Variants in PDXP observed in about 807,000 individuals in gnomAD.
The protein encoded by PDXP is chronophin.
A neutral mutation model predicts 14.4 loss-of-function variants in PDXP; 15 were observed. The observed-to-expected ratio is 1.04, with a 90% CI of 0.70 to 1.60. The LOEUF (loss-of-function observed/expected upper bound fraction) is 1.60. Among genes scored for constraint, PDXP ranks in the 40% most tolerant of loss-of-function variants. The probability of loss-of-function intolerance (pLI) is 0.00; values close to 1 mark genes in which losing one functional copy is unlikely to be tolerated. For missense variants in PDXP, 413 were observed against 427.6 expected (o/e 0.97, Z 0.30); for synonymous variants, 233 against 205.6 (o/e 1.13, Z -1.14).
intron 1 of PDXP, among the ~76,000 whole-genome samples, chr22:37,660,832 G>A (rs1037829859): frequency 6.6e-6 from 1 of 152,194 alleles, no homozygotes; most frequent in Non-Finnish European, 1.5e-5. Flanking sequence ...GAGGCATGAT[G>A]CAGGGCAGTG....
Position 37,659,274 on chromosome 22 carries a change from G to C in PDXP, c.492G>C (p.Ala164=), listed in dbSNP as rs1314531409. ...FSFAKLREAC[A]HLRDPECLLV... The stretch of plus-strand genomic sequence containing the variant: ...TCGCCAAGCTGAGGGAGGCGTGCGC[G>C]CACCTGCGCGACCCCGAGTGCCTAC... Residue 164 remains alanine, a synonymous_variant, in exon 1 of 2, where the codon GCG becomes GCC. Transcript: ENST00000215904. 3 of 1,318,654 alleles carry C rather than the reference G, an allele frequency of 2.3e-6. No homozygotes were observed. The highest frequency in any genetic ancestry group is 2.9e-6 in the Non-Finnish European group (3 of 1,029,728). The allele number at this position is 1,318,654 out of a possible 1,614,324, so 81.7% of individuals were successfully genotyped here.
In PDXP at chr22:37,659,032, C is replaced by T. The variant is rs1461615070; in HGVS notation, c.250C>T (p.Gln84Ter). The change falls in exon 1 of 2, where the codon CAG becomes TAG. Residue 84 changes from glutamine (Q) to a stop codon, truncating the protein, a stop_gained. Coordinates refer to ENST00000215904, the MANE Select transcript of PDXP (RefSeq NM_020315.5). LOFTEE classifies it high-confidence loss of function. ...RLGFGGLRAE[Q>*]LFSSALCAAR... is the part of the protein sequence containing the mutation. ...CGGCTTCGGGGGGCTGCGCGCCGAG[C>T]AGCTCTTCAGCTCCGCGCTGTGCGC... The T allele has an allele frequency of 4.3e-6, 5 of 1,163,268 alleles. No individual in the cohort carries two copies. Among genetic ancestry groups the T allele is most frequent in the Non-Finnish European group, 5.3e-6 (5 of 942,080 alleles). 72.1% of individuals were successfully genotyped at this position (1,163,268 alleles called of 1,614,324 possible). A position where few individuals can be genotyped will look rare whatever the true frequency, so the allele number is the denominator to read the frequency against.
rs1421711005 is a variant in PDXP, at chr22:37,658,760, G to A, written c.-23G>A. 7 of 1,154,516 alleles carry A rather than the reference G, an allele frequency of 6.1e-6. No homozygotes were observed. Among genetic ancestry groups the A allele is most frequent in the East Asian group, 4.1e-5 (1 of 24,146 alleles). 71.5% of individuals were successfully genotyped at this position (1,154,516 alleles called of 1,614,324 possible). On this transcript the variant is annotated 5_prime_UTR_variant, in exon 1 of 2. Transcript: ENST00000215904. Reference sequence around the variant, plus strand: ...TGCCCGCGGAGAGAGCGCGGCGCGGGAGGCCGGCGGCCGGCCGGCTGCATG... The same window carrying A: ...TGCCCGCGGAGAGAGCGCGGCGCGGAAGGCCGGCGGCCGGCCGGCTGCATG...
intron 1 of PDXP, among the ~76,000 whole-genome samples, chr22:37,660,836 G>T (rs1334580981): frequency 6.6e-6 from 1 of 152,152 alleles, no homozygotes; most frequent in Admixed American, 6.5e-5. Context: ...CATGATGCAG[G>T]GCAGTGATAA....
chr22:37,661,998 G>C (rs1933217626), intron 1 of PDXP, among the ~76,000 whole-genome samples: 1 of 125,990 alleles, frequency 7.9e-6, no homozygotes, highest in African/African-American at 3.1e-5. Flanking sequence ...CTGGAGTGCA[G>C]TGGCCTGATG....
At position 37,659,307 on chromosome 22, in the gene PDXP, C is replaced by T; in HGVS notation, c.525C>T (p.Ala175=). 1 of 1,307,008 alleles carries T rather than the reference C, an allele frequency of 7.7e-7. No individual in the cohort carries two copies. Among genetic ancestry groups the T allele is most frequent in the Non-Finnish European group, 9.8e-7 (1 of 1,025,324 alleles). 81.0% of individuals were successfully genotyped at this position (1,307,008 alleles called of 1,614,324 possible). A position where few individuals can be genotyped will look rare whatever the true frequency, so the allele number is the denominator to read the frequency against. The change falls in exon 1 of 2, where the codon GCC becomes GCT. Residue 175 remains alanine, a synonymous_variant. Coordinates refer to ENST00000215904, the MANE Select transcript of PDXP (RefSeq NM_020315.5). The stretch of plus-strand genomic sequence containing the variant: ...GCGACCCCGAGTGCCTACTCGTGGC[C>T]ACCGACCGTGACCCATGGCACCCGC... ...HLRDPECLLV[A]TDRDPWHPLS...
intron 1 of PDXP, among the ~76,000 whole-genome samples, chr22:37,660,167 C>T (rs1933174452): frequency 6.6e-6 from 1 of 152,176 alleles, no homozygotes; most frequent in Non-Finnish European, 1.5e-5. Flanking sequence ...TGTACTTCAG[C>T]ATGGGCAACA....
At chr22:37,664,737 T>A (rs527813247) in intron 1 of PDXP, among the ~76,000 whole-genome samples, 1 of 152,194 alleles carries the variant, frequency 6.6e-6, no homozygotes, top group Non-Finnish European at 1.5e-5. Flanking sequence ...AGTGGACTTA[T>A]TGTGTGAGGC....
chr22:37,662,292 C>T (rs1340691069), intron 1 of PDXP, among the ~76,000 whole-genome samples: 1 of 152,090 alleles, frequency 6.6e-6, no homozygotes, highest in Non-Finnish European at 1.5e-5. Context: ...AGGATTCTTG[C>T]TCTCCCCGCC....
chr22:37,662,622 AAG>A (rs1241599931), intron 1 of PDXP, among the ~76,000 whole-genome samples: 2 of 152,190 alleles, frequency 1.3e-5, no homozygotes, highest in African/African-American at 2.4e-5. Flanking sequence ...CAAGAGCAAA[AAG>A]AGCAGAGGCT....
rs1173241538 is a variant in PDXP at position 37,659,023 on chromosome 22, C to T, written c.241C>T (p.Arg81Cys). Residue 81 changes from arginine to cysteine, a missense_variant, in exon 1 of 2, where the codon CGC becomes TGC. Physicochemically the swap from Arg to Cys is radical, Grantham distance 180 (BLOSUM62 -3). Transcript: ENST00000215904. ...RFARLGFGGL[R>C]AEQLFSSALC... ...CGCGCGCCTCGGCTTCGGGGGGCTG[C>T]GCGCCGAGCAGCTCTTCAGCTCCGC... 1 of 1,180,284 alleles carries T rather than the reference C, an allele frequency of 8.5e-7. No individual in the cohort carries two copies. The highest frequency in any genetic ancestry group is 1.1e-6 in the Non-Finnish European group (1 of 952,158). The allele number at this position is 1,180,284 out of a possible 1,614,324, so 73.1% of individuals were successfully genotyped here.
chr22:37,665,856 G>T lies in PDXP; in HGVS notation c.876G>T (p.Glu292Asp). The T allele has an allele frequency of 6.2e-7, 1 of 1,613,168 alleles. No homozygotes were observed. Among genetic ancestry groups the T allele is most frequent in the Non-Finnish European group, 8.5e-7 (1 of 1,179,468 alleles). ...TGGAGAGCATCGCAGACTTGACAGA[G>T]GGGTTGGAGGACTGAGCCCACTGCA... ...YYVESIADLTEGLED is the reference protein window; with the variant it reads ...YYVESIADLTDGLED Residue 292 changes from glutamate to aspartate, a missense_variant, in exon 2 of 2, where the codon GAG becomes GAT. Transcript: ENST00000215904.
chr22:37,666,920 G>C lies in PDXP; in HGVS notation c.*1049G>C, dbSNP rs1191525836. The C allele has an allele frequency of 6.0e-6, 1 of 167,086 alleles. No individual in the cohort carries two copies. The highest frequency in any genetic ancestry group is 1.5e-5 in the Non-Finnish European group (1 of 68,168). 10.4% of individuals were successfully genotyped at this position (167,086 alleles called of 1,614,324 possible). A position where few individuals can be genotyped will look rare whatever the true frequency, so the allele number is the denominator to read the frequency against. ...TGTCCTTCCGTACTTAATAAAGTGC[G>C]CGTGGGAGTGTTCACCTGTGTTTGA... On this transcript the variant is annotated 3_prime_UTR_variant, in exon 2 of 2. Transcript: ENST00000215904.
chr22:37,663,125 C>A (rs1231226859), intron 1 of PDXP, among the ~76,000 whole-genome samples: 1 of 151,532 alleles, frequency 6.6e-6, no homozygotes, highest in African/African-American at 2.4e-5. Context: ...ACAGTGAAAA[C>A]CCATCTCTAC....
In PDXP at chr22:37,659,007, C is replaced by A; in HGVS notation, c.225C>A (p.Leu75=). ...RPELALRFAR[L]GFGGLRAEQL... is the part of the protein sequence containing the mutation. The stretch of plus-strand genomic sequence containing the variant: ...AGCTGGCCCTGCGCTTCGCGCGCCT[C>A]GGCTTCGGGGGGCTGCGCGCCGAGC... The change falls in exon 1 of 2, where the codon CTC becomes CTA. Residue 75 remains leucine, a synonymous_variant. Transcript: ENST00000215904. The A allele has an allele frequency of 1.7e-6, 2 of 1,193,620 alleles. No homozygotes were observed. The highest frequency in any genetic ancestry group is 4.3e-5 in the Admixed American group (1 of 23,220). 73.9% of individuals were successfully genotyped at this position (1,193,620 alleles called of 1,614,324 possible).
chr22:37,665,845 G>A lies in PDXP; in HGVS notation c.865G>A (p.Asp289Asn), dbSNP rs746122601. ...VPHYYVESIA[D>N]LTEGLED ...CCATTACTATGTGGAGAGCATCGCA[G>A]ACTTGACAGAGGGGTTGGAGGACTG... Residue 289 changes from aspartate (D) to asparagine (N), a missense_variant, in exon 2 of 2, where the codon GAC (aspartate) becomes AAC (asparagine). Physicochemically the swap from Asp to Asn is conservative, Grantham distance 23. Coordinates refer to ENST00000215904, the MANE Select transcript of PDXP (RefSeq NM_020315.5). The A allele has an allele frequency of 5.0e-6, 8 of 1,613,752 alleles. No homozygotes were observed. Among genetic ancestry groups the A allele is most frequent in the Non-Finnish European group, 6.8e-6 (8 of 1,179,910 alleles).
At chr22:37,665,268 T>C (rs1193222349) in intron 1 of PDXP, among the ~76,000 whole-genome samples, 2 of 151,882 alleles carry the variant, frequency 1.3e-5, no homozygotes, top group Non-Finnish European at 2.9e-5. Flanking sequence ...ATCCTCACAG[T>C]ACCCACATGA....
At position 37,666,703 on chromosome 22, in the gene PDXP, C is replaced by T. The variant is rs1357729673; in HGVS notation, c.*832C>T. 1 of 167,156 alleles carries T rather than the reference C, an allele frequency of 6.0e-6. No homozygotes were observed. The highest frequency in any genetic ancestry group is 1.9e-4 in the East Asian group (1 of 5,208). The allele number at this position is 167,156 out of a possible 1,614,324, so 10.4% of individuals were successfully genotyped here. On this transcript the variant is annotated 3_prime_UTR_variant, in exon 2 of 2. Transcript: ENST00000215904. ...TTCTGTGGCCAAGCCCCACCCTTTC[C>T]TGGTCATGGTACCCGTACAGCGTTG...
At chr22:37,663,470 C>G (rs1235421826) in intron 1 of PDXP, among the ~76,000 whole-genome samples, 2 of 151,918 alleles carry the variant, frequency 1.3e-5, no homozygotes, top group Non-Finnish European at 2.9e-5. Flanking sequence ...TCCTGAGTAG[C>G]TGGGACTGCA....
Sources: allele counts gnomAD v4.1 joint callset (sites outside exome capture counted in the v4.1 genomes callset), GRCh38; gene constraint gnomAD v4.1.1; transcripts MANE v1.5; gene names NCBI Gene and HGNC (gene_info 2026-07-23, HGNC 2026-07-21).